KNL1: variants seen among roughly 807,000 people sequenced by gnomAD.
KNL1 encodes outer kinetochore KNL1 complex subunit KNL1.
A neutral mutation model predicts 201.3 loss-of-function variants in KNL1; 66 were observed. The observed-to-expected ratio is 0.33, with a 90% confidence interval of 0.27 to 0.40. KNL1 has a LOEUF of 0.40. Ranked by LOEUF, KNL1 falls within the 10% of genes least tolerant of loss-of-function variation. The pLI is 1.00. For missense variants in KNL1, 2,815 were observed against 2,690.5 expected (o/e 1.05, Z -1.02); for synonymous variants, 895 against 899.2 (o/e 1.00, Z 0.08).
At chr15:40,605,555 G>A (rs761261986) in intron 3 of KNL1, among the ~76,000 whole-genome samples, 16 of 152,080 alleles carry the variant, frequency 1.1e-4, no homozygotes, top group Non-Finnish European at 1.8e-4. Context: ...GGGTTCAAGC[G>A]ATTCTCGTGT....
At chr15:40,600,302 T>C (rs1369552161) in intron 1 of KNL1, among the ~76,000 whole-genome samples, 1 of 152,228 alleles carries the variant, frequency 6.6e-6, no homozygotes, top group Non-Finnish European at 1.5e-5. Flanking sequence ...CTCAAACTCC[T>C]GACCTGAGGT....
chr15:40,606,268 G>T (rs1339443445), intron 3 of KNL1, 125 bp from the exon 4 acceptor site: 5 of 617,452 alleles, frequency 8.1e-6, no homozygotes, highest in Non-Finnish European at 1.2e-5. Context: ...TGAGCAGAAT[G>T]AATTTGAGGA....
At chr15:40,632,570 C>G (rs1051038082) in intron 13 of KNL1, among the ~76,000 whole-genome samples, 4 of 152,000 alleles carry the variant, frequency 2.6e-5, no homozygotes, top group Admixed American at 2.6e-4. Context: ...CCACTGCACT[C>G]CAGCCTTGGA....
In KNL1 at chr15:40,651,989, G is replaced by C; in HGVS notation, c.6315-16G>C. On this transcript the variant is annotated splice_polypyrimidine_tract_variant and intron_variant, in intron 20 of 25. Transcript: ENST00000399668. Reference sequence around the variant, plus strand: ...TTTAAAAACGCTTTTTAAAAATCTTGTTTATCTCTCTACAGCTTGTCTGAG... The same window carrying C: ...TTTAAAAACGCTTTTTAAAAATCTTCTTTATCTCTCTACAGCTTGTCTGAG... The C allele has an allele frequency of 6.3e-7, 1 of 1,588,560 alleles. No individual in the cohort carries two copies. The highest frequency in any genetic ancestry group is 8.6e-7 in the Non-Finnish European group (1 of 1,158,702).
intron 25 of KNL1, among the ~76,000 whole-genome samples, 200 bp downstream of exon 25, chr15:40,659,661 T>A (rs997272887): frequency 2.0e-5 from 3 of 151,394 alleles, no homozygotes; most frequent in Non-Finnish European, 4.4e-5. Flanking sequence ...CCCGGCTAAT[T>A]TTTTGTATTT....
intron 25 of KNL1, 125 bp from the exon 26 acceptor site, chr15:40,661,949 G>A (rs1458364429): frequency 1.8e-6 from 1 of 551,390 alleles, no homozygotes; most frequent in Non-Finnish European, 3.3e-6. Context: ...GCTGAGGCAG[G>A]AGAATGGCAT....
At chr15:40,611,129 G>A (rs555661758) in intron 6 of KNL1, among the ~76,000 whole-genome samples, 10 of 147,660 alleles carry the variant, frequency 6.8e-5, no homozygotes, top group Middle Eastern at 3.7e-3. Flanking sequence ...TTTTGAGACA[G>A]AGTCTTGCTT....
intron 8 of KNL1, among the ~76,000 whole-genome samples, chr15:40,617,685 C>CT (rs1892385359): frequency 6.6e-6 from 1 of 152,090 alleles, no homozygotes; most frequent in Admixed American, 6.6e-5. Flanking sequence ...TCACATTGTA[C>CT]TTTAAGTATT....
intron 10 of KNL1, chr15:40,626,010 G>T (rs982866804): frequency 1.2e-5 from 2 of 164,838 alleles, no homozygotes; most frequent in African/African-American, 2.4e-5. Flanking sequence ...AGCTTGAAAA[G>T]TCATCTTCAG....
At chr15:40,648,368 A>G (rs1893457422) in intron 17 of KNL1, among the ~76,000 whole-genome samples, 1 of 152,176 alleles carries the variant, frequency 6.6e-6, no homozygotes, top group Admixed American at 6.5e-5. Context: ...GGAGGTCAAG[A>G]CTACAGTGAG....
chr15:40,606,955 C>T (rs938593292), intron 4 of KNL1, among the ~76,000 whole-genome samples: 4 of 152,128 alleles, frequency 2.6e-5, no homozygotes, highest in Admixed American at 6.6e-5. Flanking sequence ...GACAGGATTT[C>T]GCCATGTTGC....
chr15:40,625,627 C>G lies in KNL1; in HGVS notation c.5363C>G (p.Thr1788Arg). The change falls in exon 10 of 26, where the codon ACA (threonine) becomes AGA (arginine). Residue 1788 changes from threonine to arginine, a missense_variant. Coordinates refer to ENST00000399668, the MANE Select transcript of KNL1 (RefSeq NM_144508.5). ...RKNEIKFSDT[T>R]QDREIFDHHT... is the part of the protein sequence containing the mutation. ...AATGAGATTAAGTTTAGTGATACGA[C>G]ACAAGATCGGGAGGTGAGCTCTGTC... The G allele has an allele frequency of 6.2e-7, 1 of 1,610,574 alleles. No individual in the cohort carries two copies. Among genetic ancestry groups the G allele is most frequent in the Non-Finnish European group, 8.5e-7 (1 of 1,178,606 alleles).
intron 25 of KNL1, among the ~76,000 whole-genome samples, chr15:40,659,846 A>G (rs1213218895): frequency 1.3e-5 from 2 of 151,894 alleles, no homozygotes; most frequent in South Asian, 2.1e-4. Context: ...TTAGTGGACC[A>G]TAGTGAGAGC....
In KNL1 at chr15:40,611,554, A is replaced by G. The variant is rs181588595; in HGVS notation, c.284+43A>G. 15 of 180,060 alleles carry G rather than the reference A, an allele frequency of 8.3e-5. No individual in the cohort carries two copies. In the East Asian group the frequency reaches 2.0e-3, roughly 24 times the overall value. 11.2% of individuals were successfully genotyped at this position (180,060 alleles called of 1,614,324 possible). On this transcript the variant is annotated intron_variant, in intron 7 of 25. Transcript: ENST00000399668. ...TATATTTAAAAAGTTATAAATTAAT[A>G]TTATTTTTATTTCTTATTTTTGTGT...
intron 10 of KNL1, among the ~76,000 whole-genome samples, chr15:40,627,530 A>G (rs951519922): frequency 6.7e-5 from 10 of 150,064 alleles, no homozygotes; most frequent in Non-Finnish European, 4.4e-5. Flanking sequence ...AAAAAAAAAA[A>G]CTTACCAAAA....
chr15:40,609,214 C>T (rs1052020965), intron 5 of KNL1, among the ~76,000 whole-genome samples: 1 of 149,844 alleles, frequency 6.7e-6, no homozygotes, highest in East Asian at 1.9e-4. Flanking sequence ...TCGAGACTAG[C>T]CCAAGCAACT....
At position 40,663,760 on chromosome 15, in the gene KNL1, A is replaced by C. The variant is rs1019155701; in HGVS notation, c.*1572A>C. On this transcript the variant is annotated 3_prime_UTR_variant, in exon 26 of 26. Transcript: ENST00000399668. ...ACTTCATTCAAATCCTAATTGTGATAATTTTTGTTTTATATTTAATTATAA... is the reference window on the plus strand; with the variant it reads ...ACTTCATTCAAATCCTAATTGTGATCATTTTTGTTTTATATTTAATTATAA... 2.5e-4 allele frequency: 48 copies of C among 192,260 alleles called. No individual in the cohort carries two copies. Among genetic ancestry groups the C allele is most frequent in the Non-Finnish European group, 2.5e-4 (23 of 92,036 alleles). 11.9% of individuals were successfully genotyped at this position (192,260 alleles called of 1,614,324 possible).
intron 21 of KNL1, among the ~76,000 whole-genome samples, chr15:40,653,557 C>G (rs190770285): frequency 1.3e-5 from 2 of 152,172 alleles, no homozygotes; most frequent in African/African-American, 4.8e-5. Context: ...TCATCTCTAA[C>G]CTAGATGACT....
rs1305482426 is a variant in KNL1 at position 40,620,758 on chromosome 15, T to C, written c.494T>C (p.Leu165Pro). 6.2e-7 allele frequency: 1 copy of C among 1,613,060 alleles called. No homozygotes were observed. Among genetic ancestry groups the C allele is most frequent in the African/African-American group, 1.3e-5 (1 of 74,958 alleles). ...CACACTGTAATGATTACCAAAGGCCTTTTAGATAATCCCATAAGTGAAAAG... is the reference window on the plus strand; with the variant it reads ...CACACTGTAATGATTACCAAAGGCCCTTTAGATAATCCCATAAGTGAAAAG... Reference protein sequence around the residue: ...SSHTVMITKGLLDNPISEKST... With the variant: ...SSHTVMITKGPLDNPISEKST... The change falls in exon 10 of 26, where the codon CTT becomes CCT. Residue 165 changes from leucine (L) to proline (P), a missense_variant. Around this residue, in one of 3 missense-constraint regions of KNL1, gnomAD observed 2,464 missense variants for 2,291.7 expected, o/e 1.08. Coordinates refer to ENST00000399668, the MANE Select transcript of KNL1 (RefSeq NM_144508.5).
Sources: allele counts gnomAD v4.1 joint callset (sites outside exome capture counted in the v4.1 genomes callset), GRCh38; gene constraint gnomAD v4.1.1; regional missense constraint gnomAD v4.1.1; transcripts MANE v1.5; gene names NCBI Gene and HGNC (gene_info 2026-07-23, HGNC 2026-07-21).